Variants in ADAM22 observed in about 807,000 individuals in gnomAD.
ADAM22 encodes the protein ADAM metallopeptidase domain 22.
A neutral mutation model predicts 144.6 loss-of-function variants in ADAM22; 65 were observed. The ratio of observed to expected loss-of-function variants is 0.45; its 90% CI spans 0.37 to 0.55. ADAM22 has a LOEUF of 0.55. ADAM22 is among the 20% of genes least tolerant of loss of function. ADAM22 has a pLI of 0.00. For missense variants in ADAM22, 974 were observed against 1,184.9 expected (o/e 0.82, Z 2.61); for synonymous variants, 391 against 412.6 (o/e 0.95, Z 0.63).
chr7:88,089,133 A>T (rs992391899), intron 4 of ADAM22, among the ~76,000 whole-genome samples: 3 of 151,358 alleles, frequency 2.0e-5, no homozygotes, highest in African/African-American at 7.4e-5. Flanking sequence ...AACAGAAAAG[A>T]TGAACACAGG....
rs949231860 is a variant in ADAM22 at position 88,198,724 on chromosome 7, G to C, written c.*2233G>C. On this transcript the variant is annotated 3_prime_UTR_variant, in exon 32 of 32. Transcript: ENST00000413139. ...CAAATGGCTAGCTGAGAAGTTAACA[G>C]ATCTCTATCATTCGTCTGTGTGTCT... 4 of 152,184 alleles carry C rather than the reference G, an allele frequency of 2.6e-5. No individual in the cohort carries two copies. The highest frequency in any genetic ancestry group is 7.2e-5 in the African/African-American group (3 of 41,434). 9.4% of individuals were successfully genotyped at this position (152,184 alleles called of 1,614,324 possible).
At chr7:88,037,483 A>AGGG (rs1801792738) in intron 3 of ADAM22, among the ~76,000 whole-genome samples, 1 of 152,110 alleles carries the variant, frequency 6.6e-6, no homozygotes, top group African/African-American at 2.4e-5. Flanking sequence ...GAGGACATAT[A>AGGG]TTGATTTTTT....
chr7:88,077,566 C>G (rs1814972347), intron 4 of ADAM22, among the ~76,000 whole-genome samples: 1 of 152,204 alleles, frequency 6.6e-6, no homozygotes, highest in Non-Finnish European at 1.5e-5. Context: ...CTGGGAAGTG[C>G]AAGGGGTCAG....
At chr7:88,022,243 C>T (rs1797998550) in intron 3 of ADAM22, among the ~76,000 whole-genome samples, 1 of 151,978 alleles carries the variant, frequency 6.6e-6, no homozygotes, top group African/African-American at 2.4e-5. Context: ...ATTACTTAAC[C>T]ATCACTTACC....
At chr7:88,004,598 C>T (rs1793345734) in intron 3 of ADAM22, among the ~76,000 whole-genome samples, 1 of 152,116 alleles carries the variant, frequency 6.6e-6, no homozygotes, top group Admixed American at 6.5e-5. Flanking sequence ...TGTGTAAGGC[C>T]ACCCCTGGAA....
intron 3 of ADAM22, among the ~76,000 whole-genome samples, chr7:87,989,713 TG>T (rs1487371830): frequency 2.6e-5 from 4 of 152,178 alleles, no homozygotes; most frequent in Non-Finnish European, 5.9e-5. Flanking sequence ...GCCAGGAGTT[TG>T]AGACCTGCCT....
At chr7:88,150,334 T>C (rs554580755) in intron 18 of ADAM22, among the ~76,000 whole-genome samples, 2 of 152,336 alleles carry the variant, frequency 1.3e-5, no homozygotes, top group South Asian at 4.1e-4. Context: ...GCACATGATA[T>C]CATCAGAAGA....
rs766280935 is a variant in ADAM22 at position 88,153,222 on chromosome 7, G to T, written c.1683G>T (p.Lys561Asn). The T allele has an allele frequency of 1.2e-6, 2 of 1,612,278 alleles. No homozygotes were observed. Among genetic ancestry groups the T allele is most frequent in the Non-Finnish European group, 8.5e-7 (1 of 1,179,180 alleles). ...ATAGAAAATTTTTTTCTGCCTTAGA[G>T]GTGACAGCATCAGACAAATATTGCT... ...DRQCKYIWGQKVTASDKYCYE... is the reference protein window; with the variant it reads ...DRQCKYIWGQNVTASDKYCYE... The change falls in exon 21 of 32, where the codon AAG becomes AAT. Residue 561 changes from lysine (K) to asparagine (N), a missense_variant and splice_region_variant. By Grantham distance (94) the Lys-to-Asn change is moderately conservative. This residue lies in a region of ADAM22 where 734 missense variants were observed against 950.6 expected (regional missense o/e 0.77). Transcript: ENST00000413139.
chr7:88,064,252 G>T lies in ADAM22; in HGVS notation c.324-11374G>T, dbSNP rs536481022. Among the ~76,000 whole-genome samples, 8 of 152,322 alleles carry T rather than the reference G, an allele frequency of 5.3e-5. No individual in the cohort carries two copies. The South Asian group carries it at 1.7e-3, about 32-fold the overall frequency. Reference sequence around the variant, plus strand: ...ATGTAGAAAACTAGACAAATGAAAAGAGAAGAAAATTATGGGAGGAGTAAA... The same window carrying T: ...ATGTAGAAAACTAGACAAATGAAAATAGAAGAAAATTATGGGAGGAGTAAA... On this transcript the variant is annotated intron_variant, in intron 3 of 31. Coordinates refer to ENST00000413139, the MANE Select transcript of ADAM22 (RefSeq NM_001324418.2).
chr7:88,168,708 T>C lies in ADAM22; in HGVS notation c.2282+481T>C, dbSNP rs568651611. On this transcript the variant is annotated intron_variant, in intron 25 of 31. Transcript: ENST00000413139. ...TGTGAAAAATTTCTTTGTATTCAAA[T>C]AACTAATTTAAGTTTAATAAGTTAA... Among the ~76,000 whole-genome samples, 4 of 152,336 alleles carry C rather than the reference T, an allele frequency of 2.6e-5. No homozygotes were observed. In the South Asian group the frequency reaches 8.3e-4, roughly 32 times the overall value.
At chr7:88,078,491 G>A (rs1164113748) in intron 4 of ADAM22, among the ~76,000 whole-genome samples, 7 of 152,248 alleles carry the variant, frequency 4.6e-5, no homozygotes, top group African/African-American at 1.7e-4. Flanking sequence ...AACAAAGCTG[G>A]ACGGAGAATG....
At chr7:87,964,558 T>G (rs1848636082) in intron 2 of ADAM22, 1 of 377,212 alleles carries the variant, frequency 2.7e-6, no homozygotes, top group Admixed American at 3.9e-5. Flanking sequence ...AACAGAATAA[T>G]TTGATTATTT....
chr7:88,031,343 T>C (rs1357094296), intron 3 of ADAM22, among the ~76,000 whole-genome samples: 2 of 152,100 alleles, frequency 1.3e-5, no homozygotes, highest in Non-Finnish European at 2.9e-5. Context: ...TGAGAGAAAG[T>C]TTGGAAATTC....
intron 11 of ADAM22, chr7:88,132,626 A>G (rs1046262089): frequency 2.7e-6 from 1 of 371,296 alleles, no homozygotes; most frequent in Non-Finnish European, 5.0e-6. Flanking sequence ...ATATCAACCA[A>G]TTATTTTTTA....
intron 3 of ADAM22, among the ~76,000 whole-genome samples, chr7:88,050,966 T>A (rs1806167334): frequency 6.6e-6 from 1 of 152,224 alleles, no homozygotes; most frequent in South Asian, 2.1e-4. Flanking sequence ...TTGCCTAGGT[T>A]TTCTTCTAGG....
intron 3 of ADAM22, among the ~76,000 whole-genome samples, chr7:87,998,680 C>T (rs1001952617): frequency 6.6e-6 from 1 of 152,124 alleles, no homozygotes; most frequent in Non-Finnish European, 1.5e-5. Context: ...TGAGCCACCA[C>T]GCCCTGCCGA....
At chr7:88,141,621 A>G (rs1056356757) in intron 14 of ADAM22, among the ~76,000 whole-genome samples, 4 of 152,156 alleles carry the variant, frequency 2.6e-5, no homozygotes, top group Non-Finnish European at 4.4e-5. Context: ...CTCCAGTAAT[A>G]ACCATGGTTG....
intron 14 of ADAM22, among the ~76,000 whole-genome samples, chr7:88,140,885 C>T (rs1834419401): frequency 6.6e-6 from 1 of 151,950 alleles, no homozygotes. Flanking sequence ...TTACTAGTCA[C>T]AAGTAAAGAG....
chr7:87,934,847 G>A (rs1304401589), intron 1 of ADAM22, 179 bp from the exon 2 acceptor site: 3 of 853,936 alleles, frequency 3.5e-6, no homozygotes, highest in Non-Finnish European at 3.7e-6. Flanking sequence ...TCTCGGATGA[G>A]CTGGTCCAAG....
Sources: allele counts gnomAD v4.1 joint callset (sites outside exome capture counted in the v4.1 genomes callset), GRCh38; gene constraint gnomAD v4.1.1; regional missense constraint gnomAD v4.1.1; transcripts MANE v1.5; gene names NCBI Gene and HGNC (gene_info 2026-07-23, HGNC 2026-07-21).